The following DLGAP2 variants were observed in gnomAD, a reference collection of about 807,000 sequenced individuals.
DLGAP2 encodes the protein disks large-associated protein 2.
A neutral mutation model predicts 100.3 loss-of-function variants in DLGAP2; 26 were observed. The ratio of observed to expected loss-of-function variants is 0.26; its 90% CI spans 0.19 to 0.36. The LOEUF is 0.36. Ranked by LOEUF, DLGAP2 falls within the 10% of genes least tolerant of loss-of-function variation. DLGAP2 has a pLI of 1.00. For synonymous variants in DLGAP2, 886 were observed against 630.1 expected (o/e 1.41, Z -6.08); for missense variants, 1,858 against 1,453.2 (o/e 1.28, Z -4.53).
At chr8:1,646,709 A>T (rs946671641) in intron 8 of DLGAP2, among the ~76,000 whole-genome samples, 6 of 152,150 alleles carry the variant, frequency 3.9e-5, no homozygotes, top group Non-Finnish European at 7.3e-5. Flanking sequence ...CTGTTTGAAA[A>T]CAGGTGTCAG....
intron 3 of DLGAP2, among the ~76,000 whole-genome samples, chr8:1,463,540 G>A (rs897326079): frequency 1.3e-5 from 2 of 152,232 alleles, no homozygotes; most frequent in Non-Finnish European, 2.9e-5. Flanking sequence ...GGACGCTCCT[G>A]CCCCGGGTGG....
At position 944,795 on chromosome 8, in the gene DLGAP2, C is replaced by T. The variant is rs376199655; in HGVS notation, c.73+36829C>T. 4.5e-3 allele frequency among the ~76,000 whole-genome samples: 677 copies of T among 151,094 alleles called. 8 individuals are homozygous for T. Among genetic ancestry groups the T allele is most frequent in the African/African-American group, 0.016 (658 of 40,912 alleles). On this transcript the variant is annotated intron_variant, in intron 2 of 14. Transcript: ENST00000637795. ...ATGTGGGTGATCCAGGGGGTGGTAA[C>T]CAGTCGATATGGGTGATCCAGTGGG...
chr8:1,694,553 G>A (rs1799332572), intron 13 of DLGAP2, among the ~76,000 whole-genome samples: 1 of 152,194 alleles, frequency 6.6e-6, no homozygotes, highest in Admixed American at 6.5e-5. Context: ...CTCAAAGCGT[G>A]TGGCCTGATT....
intron 2 of DLGAP2, among the ~76,000 whole-genome samples, chr8:1,133,383 A>G (rs1287143653): frequency 6.6e-6 from 1 of 152,202 alleles, no homozygotes; most frequent in Non-Finnish European, 1.5e-5. Context: ...GGAAGTTATC[A>G]TAAAATTATA....
chr8:886,873 G>A (rs757598788), intron 1 of DLGAP2, among the ~76,000 whole-genome samples: 20 of 152,196 alleles, frequency 1.3e-4, no homozygotes, highest in Middle Eastern at 3.2e-3. Context: ...TTCTGTAGAT[G>A]TCTACTAGTT....
chr8:1,529,073 GA>G (rs200199973), intron 4 of DLGAP2, among the ~76,000 whole-genome samples: 1 of 117,382 alleles, frequency 8.5e-6, no homozygotes, highest in African/African-American at 2.8e-5. Flanking sequence ...AGAGCTGCCT[GA>G]GACTGGGTAA....
At chr8:781,624 T>C (rs1434580407) in intron 1 of DLGAP2, among the ~76,000 whole-genome samples, 2 of 152,134 alleles carry the variant, frequency 1.3e-5, no homozygotes, top group Admixed American at 6.5e-5. Context: ...GCTGAGCCCA[T>C]TAACACAAGA....
chr8:918,819 G>T (rs1484830361), intron 2 of DLGAP2, among the ~76,000 whole-genome samples: 1 of 152,210 alleles, frequency 6.6e-6, no homozygotes, highest in African/African-American at 2.4e-5. Context: ...AACTGATATA[G>T]TTATGAGCTA....
chr8:1,099,424 TCTGGGATGCGCCAGGGCCGTA>T (rs1420071187), intron 2 of DLGAP2, among the ~76,000 whole-genome samples: 2 of 152,224 alleles, frequency 1.3e-5, no homozygotes, highest in Non-Finnish European at 2.9e-5. Context: ...TTACCGAGTG[TCTGGGATGCGCCAGGGCCGTA>T]CTGGGGCTAC....
chr8:1,459,811 G>C (rs1014599881), intron 3 of DLGAP2, among the ~76,000 whole-genome samples: 1 of 148,050 alleles, frequency 6.8e-6, no homozygotes, highest in Non-Finnish European at 1.5e-5. Context: ...TCAGCCTCCC[G>C]AGTAGCGGGA....
chr8:1,042,051 G>A (rs1349945673), intron 2 of DLGAP2, among the ~76,000 whole-genome samples: 2 of 152,168 alleles, frequency 1.3e-5, no homozygotes, highest in Admixed American at 1.3e-4. Flanking sequence ...AGAGCAGAAC[G>A]GCCAGGGAGT....
At chr8:921,772 C>T (rs1798721018) in intron 2 of DLGAP2, among the ~76,000 whole-genome samples, 1 of 152,258 alleles carries the variant, frequency 6.6e-6, no homozygotes, top group African/African-American at 2.4e-5. Flanking sequence ...CCCATTGAGC[C>T]ACTGGCCACG....
At chr8:1,660,171 C>T (rs999415261) in intron 8 of DLGAP2, among the ~76,000 whole-genome samples, 8 of 152,148 alleles carry the variant, frequency 5.3e-5, no homozygotes, top group Non-Finnish European at 2.9e-5. Flanking sequence ...ATATTGGCCC[C>T]CACTCTCTTC....
intron 3 of DLGAP2, among the ~76,000 whole-genome samples, chr8:1,417,486 G>T (rs1796932416): frequency 6.6e-6 from 1 of 152,228 alleles, no homozygotes; most frequent in African/African-American, 2.4e-5. Context: ...TGTGGTAACA[G>T]TTTCCACGGG....
intron 1 of DLGAP2, among the ~76,000 whole-genome samples, chr8:819,148 G>A (rs1011652828): frequency 6.6e-6 from 1 of 152,320 alleles, no homozygotes; most frequent in South Asian, 2.1e-4. Flanking sequence ...TACCCAAAAT[G>A]TTAGCCAGTT....
chr8:1,206,269 C>T (rs1198115459), intron 2 of DLGAP2, among the ~76,000 whole-genome samples: 3 of 152,000 alleles, frequency 2.0e-5, no homozygotes, highest in Non-Finnish European at 4.4e-5. Context: ...CAGCTCCAGC[C>T]ATCCATGGGC....
intron 2 of DLGAP2, among the ~76,000 whole-genome samples, chr8:1,075,390 C>T (rs978101830): frequency 2.6e-5 from 4 of 152,058 alleles, no homozygotes; most frequent in East Asian, 3.9e-4. Flanking sequence ...GTTCTGGAAG[C>T]GGCTGGTCAG....
At chr8:1,210,904 C>T (rs191496121) in intron 2 of DLGAP2, among the ~76,000 whole-genome samples, 2 of 152,330 alleles carry the variant, frequency 1.3e-5, no homozygotes, top group East Asian at 1.9e-4. Context: ...CAATGTCCCT[C>T]CCAGGACGCT....
intron 2 of DLGAP2, among the ~76,000 whole-genome samples, chr8:1,115,186 C>T (rs74572231): frequency 0.11 from 16,644 of 152,220 alleles, 1,028 homozygotes; most frequent in East Asian, 0.19. Flanking sequence ...GTAGAGTGTT[C>T]TATAGAGGTC....
Sources: allele counts gnomAD v4.1 joint callset (sites outside exome capture counted in the v4.1 genomes callset), GRCh38; gene constraint gnomAD v4.1.1; transcripts MANE v1.5; gene names NCBI Gene and HGNC (gene_info 2026-07-23, HGNC 2026-07-21).